Variants in FHDC1 observed in about 807,000 individuals in gnomAD.
FHDC1 encodes the protein FH2 domain containing 1, also known as FH2 domain-containing protein 1.
A neutral mutation model predicts 52.6 loss-of-function variants in FHDC1; 25 were observed. That is an observed-to-expected ratio of 0.48 (90% CI 0.35 to 0.66). The LOEUF (loss-of-function observed/expected upper bound fraction) is 0.66, where lower values mean the gene tolerates loss of function less well. FHDC1 is among the 30% of genes least tolerant of loss of function. The probability of loss-of-function intolerance (pLI) is 0.01; values close to 1 mark genes in which losing one functional copy is unlikely to be tolerated. For missense variants in FHDC1, 1,459 were observed against 1,452.8 expected (o/e 1.00, Z -0.07); for synonymous variants, 616 against 581.5 (o/e 1.06, Z -0.85).
intron 2 of FHDC1, among the ~76,000 whole-genome samples, chr4:152,949,990 C>T (rs919308691): frequency 6.6e-6 from 1 of 152,098 alleles, no homozygotes; most frequent in Non-Finnish European, 1.5e-5. Flanking sequence ...CTGGTGTGAC[C>T]AGAGGAGTAA....
chr4:152,940,437 T>G (rs566919888), intron 1 of FHDC1, among the ~76,000 whole-genome samples: 1 of 152,384 alleles, frequency 6.6e-6, no homozygotes, highest in Admixed American at 6.5e-5. Flanking sequence ...TGTCACTTTT[T>G]ACTTTGACAG....
At chr4:152,968,646 G>A (rs1362754771) in intron 10 of FHDC1, among the ~76,000 whole-genome samples, 1 of 152,126 alleles carries the variant, frequency 6.6e-6, no homozygotes, top group Non-Finnish European at 1.5e-5. Context: ...TGATGTATTT[G>A]TTTAGGGACA....
intron 9 of FHDC1, among the ~76,000 whole-genome samples, chr4:152,965,712 GC>G (rs1740437569): frequency 6.6e-6 from 1 of 152,212 alleles, no homozygotes. Context: ...CGTAACCATG[GC>G]TGATGTCAAG....
At chr4:152,922,152 CA>C in the FHDC1 span, among the ~76,000 whole-genome samples, 1 of 152,060 alleles carries the variant, frequency 6.6e-6, no homozygotes, top group African/African-American at 2.4e-5. Context: ...CAAATAGACA[CA>C]ATAAAAAATG....
chr4:152,938,982 G>T (rs2004794), intron 1 of FHDC1, among the ~76,000 whole-genome samples: 92,990 of 151,836 alleles, frequency 0.61, 28,739 homozygotes, highest in Admixed American at 0.71. Flanking sequence ...CAAACTGACG[G>T]CCAGGAACAT....
At chr4:152,966,378 A>T (rs539521586) in intron 9 of FHDC1, among the ~76,000 whole-genome samples, 1 of 152,338 alleles carries the variant, frequency 6.6e-6, no homozygotes, top group South Asian at 2.1e-4. Flanking sequence ...GCATGAATGC[A>T]TCCTAATTTA....
chr4:152,974,629 G>T, intron 11 of FHDC1, 46 bp from the exon 12 acceptor site: 1 of 1,496,202 alleles, frequency 6.7e-7, no homozygotes, highest in South Asian at 1.4e-5. Context: ...ACTGCACATT[G>T]GTCCCACATG....
the FHDC1 span, among the ~76,000 whole-genome samples, chr4:152,925,713 C>T: frequency 7.7e-5 from 11 of 143,160 alleles, no homozygotes; most frequent in South Asian, 1.4e-3. Flanking sequence ...GTGCATCCTC[C>T]TTTTTTTTTT....
At chr4:152,963,238 G>C (rs752589898) in intron 8 of FHDC1, 108 bp downstream of exon 8, 99 of 927,056 alleles carry the variant, frequency 1.1e-4, no homozygotes, top group Non-Finnish European at 1.6e-4. Context: ...GAAAGGGCAT[G>C]GCAAGTTCCA....
At chr4:152,960,262 C>G (rs546127502) in intron 4 of FHDC1, among the ~76,000 whole-genome samples, 2 of 152,162 alleles carry the variant, frequency 1.3e-5, no homozygotes, top group African/African-American at 2.4e-5. Context: ...CCTTTTTAGT[C>G]CCTCCCTTTT....
At position 152,972,365 on chromosome 4, in the gene FHDC1, G is replaced by C; in HGVS notation, c.1219-12G>C. 6.3e-7 allele frequency: 1 copy of C among 1,592,964 alleles called. No homozygotes were observed. The highest frequency in any genetic ancestry group is 8.5e-7 in the Non-Finnish European group (1 of 1,174,058). On this transcript the variant is annotated splice_polypyrimidine_tract_variant and intron_variant, in intron 10 of 11. Transcript: ENST00000511601. ...CGTTTACCTCAGTGTGTGTTCGTTT[G>C]TTTTTCCGCAGTTTGCCATAGAAAA...
intron 6 of FHDC1, among the ~76,000 whole-genome samples, chr4:152,961,975 G>A (rs879395147): frequency 2.6e-5 from 4 of 152,126 alleles, no homozygotes; most frequent in Non-Finnish European, 5.9e-5. Flanking sequence ...GGCCTTCTTA[G>A]ATAACACAAT....
intron 1 of FHDC1, among the ~76,000 whole-genome samples, chr4:152,937,848 G>C (rs1421567820): frequency 2.0e-5 from 3 of 152,162 alleles, no homozygotes; most frequent in Admixed American, 2.0e-4. Flanking sequence ...CCGGGGATTC[G>C]CGGCCCAGCC....
At chr4:152,960,898 GT>G in intron 6 of FHDC1, 54 bp downstream of exon 6, 2 of 1,359,576 alleles carry the variant, frequency 1.5e-6, no homozygotes, top group Non-Finnish European at 2.0e-6. Context: ...TTCGATAGCA[GT>G]TTTTTAAAAA....
chr4:152,956,316 A>C (rs1740084274), intron 4 of FHDC1, among the ~76,000 whole-genome samples: 1 of 152,172 alleles, frequency 6.6e-6, no homozygotes, highest in Non-Finnish European at 1.5e-5. Context: ...GCGCATGTGA[A>C]AGTGCTCTGA....
At chr4:152,949,118 TAATAATAAGAAGAAGAAG>T (rs1240975173) in intron 2 of FHDC1, among the ~76,000 whole-genome samples, 1,207 of 75,746 alleles carry the variant, frequency 0.016, 10 homozygotes, top group African/African-American at 0.03. Flanking sequence ...ATAATAATAA[TAATAATAAGAAGAAGAAG>T]AAGAAGAAGA....
At chr4:152,969,712 C>T (rs2149958564) in intron 10 of FHDC1, among the ~76,000 whole-genome samples, 1 of 151,004 alleles carries the variant, frequency 6.6e-6, no homozygotes, top group Admixed American at 6.6e-5. Flanking sequence ...CCCTGTCACC[C>T]AGGCTGGAGT....
At chr4:152,926,751 G>A in the FHDC1 span, among the ~76,000 whole-genome samples, 6 of 149,362 alleles carry the variant, frequency 4.0e-5, no homozygotes, top group Admixed American at 1.3e-4. Context: ...CCCACAATTT[G>A]GACTTTCCTT....
At chr4:152,948,075 A>G (rs1057094072) in intron 2 of FHDC1, among the ~76,000 whole-genome samples, 1 of 152,136 alleles carries the variant, frequency 6.6e-6, no homozygotes, top group Admixed American at 6.5e-5. Flanking sequence ...CAAAGTTGGG[A>G]GAGAGGACAA....
Sources: allele counts gnomAD v4.1 joint callset (sites outside exome capture counted in the v4.1 genomes callset), GRCh38; gene constraint gnomAD v4.1.1; transcripts MANE v1.5; gene names NCBI Gene and HGNC (gene_info 2026-07-23, HGNC 2026-07-21).